Variants in ROBO1 observed in about 807,000 individuals in gnomAD.
ROBO1 encodes the protein roundabout guidance receptor 1.
ROBO1 carries 149 observed loss-of-function variants against 195.9 expected under a neutral mutation model. The observed-to-expected ratio is 0.76, with a 90% CI of 0.67 to 0.87. ROBO1 has a LOEUF of 0.87. ROBO1 is among the 40% of genes least tolerant of loss of function. ROBO1 has a pLI of 0.00. For synonymous variants in ROBO1, 816 were observed against 733.2 expected (o/e 1.11, Z -1.82); for missense variants, 1,933 against 2,068.3 (o/e 0.93, Z 1.27).
chr3:78,870,219 G>C (rs796301008), intron 4 of ROBO1, among the ~76,000 whole-genome samples: 8 of 152,194 alleles, frequency 5.3e-5, no homozygotes, highest in African/African-American at 1.9e-4. Context: ...CACTTGATTT[G>C]CCTTAGAGGT....
At chr3:79,385,681 T>G (rs2036717255) in intron 2 of ROBO1, among the ~76,000 whole-genome samples, 2 of 152,132 alleles carry the variant, frequency 1.3e-5, no homozygotes, top group African/African-American at 4.8e-5. Context: ...CTTTTAGTCT[T>G]CATGAATCAG....
At chr3:78,671,631 T>G (rs144925093) in intron 10 of ROBO1, among the ~76,000 whole-genome samples, 101 of 151,596 alleles carry the variant, frequency 6.7e-4, no homozygotes, top group African/African-American at 2.3e-3. Flanking sequence ...AGGAAAGCAA[T>G]GGAGTGAAAT....
intron 3 of ROBO1, among the ~76,000 whole-genome samples, chr3:79,113,824 A>G (rs558811845): frequency 6.6e-6 from 1 of 152,262 alleles, no homozygotes; most frequent in South Asian, 2.1e-4. Context: ...TCCTGAACTT[A>G]CTTCCCATTA....
chr3:78,684,562 A>G (rs1271199884), intron 10 of ROBO1, among the ~76,000 whole-genome samples: 1 of 152,132 alleles, frequency 6.6e-6, no homozygotes, highest in African/African-American at 2.4e-5. Flanking sequence ...GTCTAGAGAA[A>G]CAGTATTCTA....
chr3:78,955,046 T>G (rs1322311136), intron 3 of ROBO1, among the ~76,000 whole-genome samples: 3 of 150,708 alleles, frequency 2.0e-5, no homozygotes, highest in Non-Finnish European at 3.0e-5. Flanking sequence ...TAAACTGTGT[T>G]CCATGGGGTT....
intron 4 of ROBO1, among the ~76,000 whole-genome samples, chr3:78,849,693 G>A (rs973664559): frequency 1.3e-5 from 2 of 151,826 alleles, no homozygotes; most frequent in Non-Finnish European, 2.9e-5. Flanking sequence ...AAAGAGATTT[G>A]ACAGGAGGTT....
intron 1 of ROBO1, among the ~76,000 whole-genome samples, chr3:79,691,271 C>G (rs72895965): frequency 1.3e-5 from 2 of 151,756 alleles, no homozygotes; most frequent in African/African-American, 4.8e-5. Context: ...ATCCTCTGCC[C>G]CTTCCCAAAA....
At chr3:79,619,844 T>A (rs1016263742) in intron 1 of ROBO1, among the ~76,000 whole-genome samples, 4 of 152,100 alleles carry the variant, frequency 2.6e-5, no homozygotes, top group Admixed American at 6.6e-5. Context: ...ACTCCTGATG[T>A]AAGAAAAAGG....
chr3:78,666,494 C>G (rs1014131754), intron 14 of ROBO1, among the ~76,000 whole-genome samples: 1 of 152,180 alleles, frequency 6.6e-6, no homozygotes, highest in Non-Finnish European at 1.5e-5. Flanking sequence ...GACCACTGTA[C>G]TGGGGACAAA....
chr3:78,859,545 A>G (rs1439857127), intron 4 of ROBO1, among the ~76,000 whole-genome samples: 3 of 152,152 alleles, frequency 2.0e-5, no homozygotes, highest in African/African-American at 7.2e-5. Context: ...GACCAAGGGA[A>G]TATAGAGGAA....
chr3:79,495,822 A>C (rs1292806331), intron 2 of ROBO1, among the ~76,000 whole-genome samples: 4 of 152,162 alleles, frequency 2.6e-5, no homozygotes, highest in Non-Finnish European at 4.4e-5. Context: ...GCTAACATCA[A>C]TATCTATTTC....
intron 2 of ROBO1, among the ~76,000 whole-genome samples, chr3:79,199,922 G>A (rs1576805472): frequency 6.6e-6 from 1 of 151,708 alleles, no homozygotes; most frequent in East Asian, 1.9e-4. Flanking sequence ...TTTCTTTAAA[G>A]TCTAAGAGCT....
At chr3:79,078,075 T>C (rs769225718) in intron 3 of ROBO1, among the ~76,000 whole-genome samples, 1 of 151,772 alleles carries the variant, frequency 6.6e-6, no homozygotes, top group Non-Finnish European at 1.5e-5. Context: ...TTCTAATATA[T>C]ATGTGACTGC....
intron 3 of ROBO1, among the ~76,000 whole-genome samples, chr3:78,983,633 GAAT>G (rs2077044866): frequency 6.6e-6 from 1 of 152,056 alleles, no homozygotes; most frequent in Non-Finnish European, 1.5e-5. Flanking sequence ...ACAATATAGA[GAAT>G]AATACAGAAA....
chr3:79,330,594 T>G (rs1576984516), intron 2 of ROBO1, among the ~76,000 whole-genome samples: 1 of 148,910 alleles, frequency 6.7e-6, no homozygotes, highest in East Asian at 2.0e-4. Flanking sequence ...TTTCATCCTG[T>G]AACTACAGAC....
intron 2 of ROBO1, among the ~76,000 whole-genome samples, chr3:79,311,589 T>C (rs1291628598): frequency 2.0e-5 from 3 of 152,268 alleles, no homozygotes; most frequent in South Asian, 4.1e-4. Flanking sequence ...GTCCTATAGA[T>C]GTATTATCTA....
chr3:78,798,015 C>T (rs1483442180), intron 4 of ROBO1, among the ~76,000 whole-genome samples: 1 of 152,124 alleles, frequency 6.6e-6, no homozygotes, highest in Non-Finnish European at 1.5e-5. Flanking sequence ...TCCACCACAA[C>T]TGTTGAGAAA....
At chr3:79,461,357 C>A (rs1937628964) in intron 2 of ROBO1, among the ~76,000 whole-genome samples, 1 of 151,970 alleles carries the variant, frequency 6.6e-6, no homozygotes, top group Non-Finnish European at 1.5e-5. Context: ...CCCATCTTGG[C>A]CTTTTGCATC....
chr3:79,484,973 C>T (rs983894963), intron 2 of ROBO1, among the ~76,000 whole-genome samples: 26 of 151,658 alleles, frequency 1.7e-4, no homozygotes, highest in Non-Finnish European at 4.4e-5. Context: ...AGGATGATCT[C>T]GATCTCTTGA....
Sources: allele counts gnomAD v4.1 joint callset (sites outside exome capture counted in the v4.1 genomes callset), GRCh38; gene constraint gnomAD v4.1.1; transcripts MANE v1.5; gene names NCBI Gene and HGNC (gene_info 2026-07-23, HGNC 2026-07-21).